The following RPTOR variants were observed in gnomAD, a reference collection of about 807,000 sequenced individuals.
RPTOR encodes regulatory-associated protein of mTOR.
RPTOR carries 21 observed loss-of-function variants against 169.9 expected under a neutral mutation model. The ratio of observed to expected loss-of-function variants is 0.12; its 90% CI spans 0.09 to 0.18. The LOEUF is 0.18. RPTOR is among the 10% of genes least tolerant of loss of function. The pLI, the probability that RPTOR is intolerant of heterozygous loss-of-function variation, is 1.00. For missense variants in RPTOR, 1,133 were observed against 1,855.9 expected (o/e 0.61, Z 7.16); for synonymous variants, 732 against 753.2 (o/e 0.97, Z 0.46).
intron 7 of RPTOR, among the ~76,000 whole-genome samples, chr17:80,811,290 G>C (rs937513855): frequency 6.6e-6 from 1 of 152,146 alleles, no homozygotes; most frequent in Non-Finnish European, 1.5e-5. Context: ...AGTTTTTCTC[G>C]TGAGTTCTTG....
intron 1 of RPTOR, among the ~76,000 whole-genome samples, chr17:80,623,682 C>A (rs1001800609): frequency 2.0e-5 from 3 of 151,692 alleles, no homozygotes. Context: ...ATTACAGGTG[C>A]ACACCACCAC....
intron 1 of RPTOR, among the ~76,000 whole-genome samples, chr17:80,619,961 C>T (rs746776677): frequency 2.6e-5 from 4 of 152,076 alleles, no homozygotes; most frequent in Non-Finnish European, 4.4e-5. Context: ...ATCTTTGAGC[C>T]GGGGCACAGG....
chr17:80,882,365 A>T (rs2068195279), intron 14 of RPTOR, among the ~76,000 whole-genome samples: 1 of 152,258 alleles, frequency 6.6e-6, no homozygotes. Context: ...CATCATAATG[A>T]AAACAGCAAA....
chr17:80,558,951 A>G (rs11150864), intron 1 of RPTOR, among the ~76,000 whole-genome samples: 131,945 of 152,066 alleles, frequency 0.87, 58,957 homozygotes, highest in East Asian at 1. Context: ...TTACCATCTC[A>G]ACCATCTTTC....
At chr17:80,617,059 AT>A (rs1215508904) in intron 1 of RPTOR, among the ~76,000 whole-genome samples, 2 of 152,200 alleles carry the variant, frequency 1.3e-5, no homozygotes, top group Non-Finnish European at 2.9e-5. Context: ...TGGTAAAGTC[AT>A]TTTTATCCCC....
intron 1 of RPTOR, among the ~76,000 whole-genome samples, chr17:80,608,914 C>T (rs963043519): frequency 6.6e-6 from 1 of 152,168 alleles, no homozygotes. Context: ...TGGTCAGACG[C>T]CTATTAGTCG....
rs1357075018 is a variant in RPTOR, at chr17:80,646,179, T to C, written c.348+2369T>C. On this transcript the variant is annotated intron_variant, in intron 3 of 33. Transcript: ENST00000306801. This position sits in a 1 kb window ranked among gnomAD's most constrained non-coding sequence, Gnocchi z 5.0. ...CATTCAGGAAGCAAAACCACAACAATGGACACCTAATATTTGCTTTTCGAA... is the reference window on the plus strand; with the variant it reads ...CATTCAGGAAGCAAAACCACAACAACGGACACCTAATATTTGCTTTTCGAA... Among the ~76,000 whole-genome samples the C allele has an allele frequency of 6.6e-6, 1 of 152,196 alleles. No homozygotes were observed. The highest frequency in any genetic ancestry group is 1.5e-5 in the Non-Finnish European group (1 of 68,040).
chr17:80,729,429 C>T (rs528208284), intron 4 of RPTOR, among the ~76,000 whole-genome samples: 56 of 152,256 alleles, frequency 3.7e-4, no homozygotes, highest in African/African-American at 1.2e-3. Context: ...GTTAGCTTTG[C>T]GTTCGGATTG....
At chr17:80,958,197 AC>A (rs57809906) in intron 29 of RPTOR, among the ~76,000 whole-genome samples, 1,057 of 31,292 alleles carry the variant, frequency 0.034, 10 homozygotes, top group African/African-American at 0.091. Flanking sequence ...CTCCCACCTC[AC>A]CCCCCCCCCC....
chr17:80,929,003 A>G (rs546976720), intron 24 of RPTOR, among the ~76,000 whole-genome samples: 17 of 152,344 alleles, frequency 1.1e-4, no homozygotes, highest in Non-Finnish European at 2.2e-4. Context: ...CAATCCTGCT[A>G]GGAGGCATAT....
intron 9 of RPTOR, among the ~76,000 whole-genome samples, chr17:80,824,676 G>A (rs141352050): frequency 2.0e-5 from 3 of 152,320 alleles, no homozygotes; most frequent in South Asian, 2.1e-4. Flanking sequence ...ACTGGGAGCC[G>A]GTTGAGCACT....
At position 80,947,365 on chromosome 17, in the gene RPTOR, G is replaced by A. The variant is rs140584819; in HGVS notation, c.3265+14G>A. On this transcript the variant is annotated intron_variant, in intron 27 of 33. Transcript: ENST00000306801. The surrounding 1 kb of genome is among the most constrained non-coding windows in gnomAD (Gnocchi z 4.4). ...TGACGGCCACAGGTGAGCGGGGTTT[G>A]CACAGCCAGGATTGGAAGCCAGGGT... The A allele has an allele frequency of 3.9e-6, 6 of 1,540,834 alleles. No homozygotes were observed. The highest frequency in any genetic ancestry group is 4.4e-6 in the Non-Finnish European group (5 of 1,145,858).
At chr17:80,723,432 T>G (rs550334719) in intron 4 of RPTOR, among the ~76,000 whole-genome samples, 3 of 151,460 alleles carry the variant, frequency 2.0e-5, no homozygotes, top group East Asian at 3.9e-4. Context: ...TACTTGGTTG[T>G]TTGTTTATAT....
intron 7 of RPTOR, among the ~76,000 whole-genome samples, chr17:80,819,195 G>A (rs2067354575): frequency 6.6e-6 from 1 of 152,202 alleles, no homozygotes; most frequent in African/African-American, 2.4e-5. Flanking sequence ...CAAGGATGAG[G>A]AGATGCAGGA....
intron 21 of RPTOR, among the ~76,000 whole-genome samples, chr17:80,922,332 C>G (rs914183105): frequency 6.6e-6 from 1 of 152,178 alleles, no homozygotes; most frequent in Non-Finnish European, 1.5e-5. Context: ...TGTGGAGGCC[C>G]AGCCTCAGGC....
intron 17 of RPTOR, among the ~76,000 whole-genome samples, chr17:80,889,326 G>C (rs1166226715): frequency 6.6e-6 from 1 of 152,156 alleles, no homozygotes; most frequent in Non-Finnish European, 1.5e-5. Flanking sequence ...CGACAGGAAG[G>C]GCTGAGCTGA....
At chr17:80,887,371 G>A (rs1307253033) in intron 17 of RPTOR, among the ~76,000 whole-genome samples, 1 of 119,944 alleles carries the variant, frequency 8.3e-6, no homozygotes, top group African/African-American at 3.2e-5. Flanking sequence ...CTCCGGGGGT[G>A]TGCTGACTCT....
intron 9 of RPTOR, among the ~76,000 whole-genome samples, chr17:80,826,196 C>T (rs2067440964): frequency 6.6e-6 from 1 of 152,212 alleles, no homozygotes; most frequent in African/African-American, 2.4e-5. Context: ...CGGCCCCTCC[C>T]TCACAGTGTC....
chr17:80,742,772 G>A (rs1468930920), intron 5 of RPTOR, among the ~76,000 whole-genome samples: 1 of 151,796 alleles, frequency 6.6e-6, no homozygotes, highest in African/African-American at 2.4e-5. Context: ...ACACGCACAT[G>A]TATACATGTG....
Sources: gnomAD v4.1 joint callset for allele counts (sites outside exome capture counted in the v4.1 genomes callset) on GRCh38, gnomAD v4.1.1 for gene constraint, Gnocchi (gnomAD v3.1) non-coding constraint, MANE v1.5 for transcripts, NCBI Gene and HGNC (gene_info 2026-07-23, HGNC 2026-07-21) for gene names.